The following SPMIP7 variants were observed in gnomAD, a reference collection of about 807,000 sequenced individuals.
The protein encoded by SPMIP7 is sperm microtubule inner protein 7.
At chr7:50,106,612 A>T in the SPMIP7 span, among the ~76,000 whole-genome samples, 6 of 152,204 alleles carry the variant, frequency 3.9e-5, no homozygotes, top group African/African-American at 1.2e-4. Context: ...TTAAAGTGTA[A>T]TGTTCATCAC....
chr7:50,127,789 C>A, the SPMIP7 span, among the ~76,000 whole-genome samples: 2 of 151,718 alleles, frequency 1.3e-5, no homozygotes, highest in Non-Finnish European at 2.9e-5. Context: ...GTTAAAATGT[C>A]TTTTATCAAA....
At chr7:50,115,197 A>G in the SPMIP7 span, among the ~76,000 whole-genome samples, 4 of 152,202 alleles carry the variant, frequency 2.6e-5, no homozygotes, top group East Asian at 7.7e-4. Context: ...GAATTTCAGA[A>G]CAAGAAATTT....
chr7:50,148,923 G>A, the SPMIP7 span, among the ~76,000 whole-genome samples: 1 of 152,160 alleles, frequency 6.6e-6, no homozygotes, highest in East Asian at 1.9e-4. Context: ...GAGGCGGGTG[G>A]ATCACAAGGT....
At chr7:50,106,156 C>T in the SPMIP7 span, among the ~76,000 whole-genome samples, 15 of 151,994 alleles carry the variant, frequency 9.9e-5, no homozygotes, top group Non-Finnish European at 1.8e-4. Flanking sequence ...ATTAATGTTC[C>T]TTTTTTCTAA....
chr7:50,120,682 CG>C, the SPMIP7 span, among the ~76,000 whole-genome samples: 1 of 152,138 alleles, frequency 6.6e-6, no homozygotes, highest in African/African-American at 2.4e-5. Flanking sequence ...GGTTTGCAGG[CG>C]TCCTAAATGG....
the SPMIP7 span, among the ~76,000 whole-genome samples, chr7:50,153,671 A>G: frequency 5.3e-5 from 8 of 152,176 alleles, no homozygotes; most frequent in Non-Finnish European, 1.2e-4. Context: ...AAGGAAACTG[A>G]GGCACACACA....
the SPMIP7 span, chr7:50,129,884 C>G: frequency 3.8e-6 from 3 of 783,028 alleles, no homozygotes; most frequent in East Asian, 8.2e-5. Flanking sequence ...TATCCTGGAT[C>G]TTATGAGTGA....
the SPMIP7 span, among the ~76,000 whole-genome samples, chr7:50,123,887 A>G: frequency 6.6e-6 from 1 of 152,136 alleles, no homozygotes; most frequent in Non-Finnish European, 1.5e-5. Flanking sequence ...ATATATCATA[A>G]TTACATTAAT....
At chr7:50,109,483 C>T in the SPMIP7 span, among the ~76,000 whole-genome samples, 1 of 152,158 alleles carries the variant, frequency 6.6e-6, no homozygotes, top group South Asian at 2.1e-4. Context: ...TCAAGCAATT[C>T]TCATGCTTCA....
the SPMIP7 span, among the ~76,000 whole-genome samples, chr7:50,117,593 T>C: frequency 6.6e-6 from 1 of 152,126 alleles, no homozygotes; most frequent in Non-Finnish European, 1.5e-5. Flanking sequence ...CAATTGTGAG[T>C]GTAGTGTTAG....
chr7:50,144,573 C>T, the SPMIP7 span, among the ~76,000 whole-genome samples: 2 of 152,154 alleles, frequency 1.3e-5, no homozygotes, highest in African/African-American at 4.8e-5. Context: ...TGTTTGTACA[C>T]TTATCCATGC....
the SPMIP7 span, among the ~76,000 whole-genome samples, chr7:50,148,519 A>G: frequency 6.6e-6 from 1 of 152,222 alleles, no homozygotes; most frequent in Non-Finnish European, 1.5e-5. Context: ...AAGGCAGTGG[A>G]AAAAACCTTT....
chr7:50,134,689 A>G, the SPMIP7 span, among the ~76,000 whole-genome samples: 2 of 152,206 alleles, frequency 1.3e-5, no homozygotes, highest in African/African-American at 4.8e-5. Flanking sequence ...ATAGATTGCT[A>G]TCTGATGTTG....
chr7:50,134,557 G>A, the SPMIP7 span, among the ~76,000 whole-genome samples: 1 of 152,156 alleles, frequency 6.6e-6, no homozygotes, highest in African/African-American at 2.4e-5. Flanking sequence ...GGAATTGCAA[G>A]AGAATGAGTA....
the SPMIP7 span, among the ~76,000 whole-genome samples, chr7:50,130,712 G>C: frequency 7.4e-4 from 112 of 152,180 alleles, no homozygotes; most frequent in African/African-American, 2.6e-3. Flanking sequence ...AGTAGGAGGT[G>C]TGGGGAGGCC....
the SPMIP7 span, among the ~76,000 whole-genome samples, chr7:50,115,464 T>C: frequency 6.6e-6 from 1 of 152,128 alleles, no homozygotes; most frequent in African/African-American, 2.4e-5. Context: ...CTAATTGATA[T>C]AAATACCAAT....
chr7:50,117,397 C>T, the SPMIP7 span: 2 of 333,314 alleles, frequency 6.0e-6, no homozygotes, highest in African/African-American at 2.2e-5. Flanking sequence ...TAAGACACGA[C>T]CTTTATTTGC....
the SPMIP7 span, among the ~76,000 whole-genome samples, chr7:50,156,553 C>A: frequency 6.6e-6 from 1 of 151,590 alleles, no homozygotes; most frequent in East Asian, 2.0e-4. Flanking sequence ...TTCCCCACGC[C>A]CCTCTCAGCT....
the SPMIP7 span, among the ~76,000 whole-genome samples, chr7:50,125,339 CAT>C: frequency 9.3e-3 from 565 of 60,428 alleles, 23 homozygotes; most frequent in East Asian, 0.015. Context: ...CATATATATA[CAT>C]ATATATACAC....
Sources: gnomAD v4.1 joint callset for allele counts (sites outside exome capture counted in the v4.1 genomes callset) on GRCh38, gnomAD v4.1.1 for gene constraint, MANE v1.5 for transcripts, NCBI Gene and HGNC (gene_info 2026-07-23, HGNC 2026-07-21) for gene names.